TOMM40: variants seen among roughly 807,000 people sequenced by gnomAD.
TOMM40 encodes the protein translocase of outer mitochondrial membrane 40, also known as mitochondrial import receptor subunit TOM40 homolog.
A neutral mutation model predicts 38.4 loss-of-function variants in TOMM40; 9 were observed. That is an observed-to-expected ratio of 0.23 (90% confidence interval 0.14 to 0.41). The LOEUF (loss-of-function observed/expected upper bound fraction) is 0.41. Among genes scored for constraint, TOMM40 ranks in the 10% least tolerant of loss-of-function variants. The pLI, the probability that TOMM40 is intolerant of heterozygous loss-of-function variation, is 1.00. For synonymous variants in TOMM40, 184 were observed against 210.0 expected, an observed-to-expected ratio of 0.88 and a Z score of 1.07; for missense variants, 299 against 486.5, an observed-to-expected ratio of 0.61 and a Z score of 3.63.
rs1436094777 is a variant in TOMM40, at chr19:44,903,019, C to T, written c.947-11C>T. ...AGCTGGCACGCCTCTCACCTCAGCT[C>T]TTCCCTGCAGGCTCTGTGGATAGCA... On this transcript the variant is annotated splice_polypyrimidine_tract_variant and intron_variant, in intron 8 of 8. Coordinates refer to ENST00000426677, the MANE Select transcript of TOMM40 (RefSeq NM_001128917.2). 3.1e-6 allele frequency: 5 copies of T among 1,611,368 alleles called. No individual in the cohort carries two copies. The East Asian group carries it at 6.7e-5, about 22-fold the overall frequency.
At chr19:44,895,113 A>G (rs563586909) in intron 5 of TOMM40, among the ~76,000 whole-genome samples, 1 of 152,144 alleles carries the variant, frequency 6.6e-6, no homozygotes, top group Non-Finnish European at 1.5e-5. Context: ...CGTGGAGAGC[A>G]GGCTCTTGAG....
rs764863378 is a variant in TOMM40 at position 44,891,646 on chromosome 19, G to A, written c.231G>A (p.Leu77=). The change falls in exon 1 of 9, where the codon CTG becomes CTA. Residue 77 remains leucine (L), a synonymous_variant. Coordinates refer to ENST00000426677, the MANE Select transcript of TOMM40 (RefSeq NM_001128917.2). ...CCGAGGATGGGGCCTGCGGCTGCCT[G>A]CCCAACCCGGGCACATTCGAGGAGT... ...GAAEDGACGC[L]PNPGTFEECH... 31 of 1,482,078 alleles carry A rather than the reference G, an allele frequency of 2.1e-5. No homozygotes were observed. The Admixed American group carries it at 4.0e-4, about 19-fold the overall frequency. 91.8% of individuals were successfully genotyped at this position (1,482,078 alleles called of 1,614,324 possible). A position where few individuals can be genotyped will look rare whatever the true frequency, so the allele number is the denominator to read the frequency against.
At position 44,892,859 on chromosome 19, in the gene TOMM40, G is replaced by A; in HGVS notation, c.365G>A (p.Ser122Asn). 1 of 1,613,856 alleles carries A rather than the reference G, an allele frequency of 6.2e-7. No homozygotes were observed. Among genetic ancestry groups the A allele is most frequent in the Non-Finnish European group, 8.5e-7 (1 of 1,179,836 alleles). ...HFQVNHTVAL[S>N]TIGESNYHFG... is the part of the protein sequence containing the mutation. ...CAGGTCAACCACACAGTAGCCCTCA[G>A]CACAATCGGGGAGTCCAACTACCAC... is the stretch of plus-strand genomic sequence containing the variant. The change falls in exon 3 of 9, where the codon AGC becomes AAC. Residue 122 changes from serine to asparagine, a missense_variant. Transcript: ENST00000426677.
rs757633293 is a variant in TOMM40 at position 44,893,852 on chromosome 19, C to T, written c.508C>T (p.Pro170Ser). The T allele has an allele frequency of 6.2e-5, 100 of 1,612,198 alleles. No homozygotes were observed. Among genetic ancestry groups the T allele is most frequent in the Non-Finnish European group, 8.1e-5 (95 of 1,180,014 alleles). The change falls in exon 4 of 9, where the codon CCC becomes TCC. Residue 170 changes from proline (P) to serine (S), a missense_variant. Physicochemically the swap from Pro to Ser is moderately conservative, Grantham distance 74. Transcript: ENST00000426677. ...CGCTCAGGTCATTCACCAGCTGGGC[C>T]CCGGTCTCAGGTCCAAGATGGCCAT... ...LNAQVIHQLG[P>S]GLRSKMAIQT... is the part of the protein sequence containing the mutation.
intron 5 of TOMM40, among the ~76,000 whole-genome samples, chr19:44,896,930 T>C (rs995868965): frequency 6.6e-6 from 1 of 152,186 alleles, no homozygotes; most frequent in Non-Finnish European, 1.5e-5. Context: ...GGTACATGCC[T>C]GTAGTCCCAA....
rs1268516440 is a variant in TOMM40 at position 44,903,172 on chromosome 19, C to T, written c.*3C>T. 1 of 1,606,014 alleles carries T rather than the reference C, an allele frequency of 6.2e-7. No individual in the cohort carries two copies. On this transcript the variant is annotated 3_prime_UTR_variant, in exon 9 of 9. Transcript: ENST00000426677. The stretch of plus-strand genomic sequence containing the variant: ...GCTTTGGCCTCACCATCGGCTGAGC[C>T]CTCCTGGCCCCCGCCTTCCACGCCC...
intron 5 of TOMM40, among the ~76,000 whole-genome samples, chr19:44,897,201 A>G (rs1969581832): frequency 6.6e-6 from 1 of 152,056 alleles, no homozygotes; most frequent in Non-Finnish European, 1.5e-5. Flanking sequence ...GCATGAGACT[A>G]GAGAGGAGGC....
chr19:44,902,975 C>T (rs1221251077), intron 8 of TOMM40, 55 bp from the exon 9 acceptor site: 9 of 1,585,212 alleles, frequency 5.7e-6, no homozygotes, highest in Non-Finnish European at 7.7e-6. Context: ...GCCAGGAACT[C>T]TGCATGGATA....
intron 8 of TOMM40, 48 bp from the exon 9 acceptor site, chr19:44,902,982 G>C (rs778806196): frequency 6.3e-7 from 1 of 1,594,114 alleles, no homozygotes; most frequent in South Asian, 1.1e-5. Context: ...ACTCTGCATG[G>C]ATATGGTGGG....
At chr19:44,892,585 G>A (rs1969488195) in intron 2 of TOMM40, 125 bp downstream of exon 2, 2 of 942,422 alleles carry the variant, frequency 2.1e-6, no homozygotes, top group East Asian at 2.5e-5. Flanking sequence ...AAAAGACTCG[G>A]AGATATAGTG....
At chr19:44,897,614 G>A (rs116874600) in intron 5 of TOMM40, among the ~76,000 whole-genome samples, 2,485 of 151,754 alleles carry the variant, frequency 0.016, 79 homozygotes, top group Admixed American at 0.095. Context: ...TGCCACACCC[G>A]GCTAATTTTT....
rs141117569 is a variant in TOMM40, at chr19:44,892,395, C to A, written c.277C>A (p.Leu93Met). Reference sequence around the variant, plus strand: ...GTGACAGCGTTTCTCTTCTCCAGAGCTGTTTCCCATTCAGATGGAGGGTGT... The same window carrying A: ...GTGACAGCGTTTCTCTTCTCCAGAGATGTTTCCCATTCAGATGGAGGGTGT... ...FEECHRKCKE[L>M]FPIQMEGVKL... The change falls in exon 2 of 9, where the codon CTG becomes ATG. Residue 93 changes from leucine (L) to methionine (M), a missense_variant and splice_region_variant. Leu to Met is a conservative substitution (Grantham distance 15, BLOSUM62 2). Coordinates refer to ENST00000426677, the MANE Select transcript of TOMM40 (RefSeq NM_001128917.2). The A allele has an allele frequency of 4.3e-6, 7 of 1,613,722 alleles. No homozygotes were observed. Among genetic ancestry groups the A allele is most frequent in the Non-Finnish European group, 5.9e-6 (7 of 1,179,980 alleles).
At chr19:44,893,718 C>G in intron 3 of TOMM40, 62 bp from the exon 4 acceptor site, 1 of 1,400,838 alleles carries the variant, frequency 7.1e-7, no homozygotes, top group South Asian at 1.3e-5. Context: ...CTCACCCCGG[C>G]CCATCTCACA....
At chr19:44,896,549 C>T (rs1051402760) in intron 5 of TOMM40, among the ~76,000 whole-genome samples, 11 of 152,280 alleles carry the variant, frequency 7.2e-5, no homozygotes, top group Admixed American at 2.6e-4. Context: ...ATAAGGAAAG[C>T]GAGGCCCAGG....
In TOMM40 at chr19:44,903,236, G is replaced by C. The variant is rs1327310739; in HGVS notation, c.*67G>C. On this transcript the variant is annotated 3_prime_UTR_variant, in exon 9 of 9. Coordinates refer to ENST00000426677, the MANE Select transcript of TOMM40 (RefSeq NM_001128917.2). ...TCCACCTCCACCTCCCCCTGCCACA[G>C]AGGGGAGACCTGAGCCCCCCTCCCT... The C allele has an allele frequency of 2.0e-6, 3 of 1,511,916 alleles. No homozygotes were observed. Among genetic ancestry groups the C allele is most frequent in the Non-Finnish European group, 2.7e-6 (3 of 1,116,016 alleles). The allele number at this position is 1,511,916 out of a possible 1,614,324, so 93.7% of individuals were successfully genotyped here. A position where few individuals can be genotyped will look rare whatever the true frequency, so the allele number is the denominator to read the frequency against.
chr19:44,898,035 G>C (rs1969600440), intron 5 of TOMM40, among the ~76,000 whole-genome samples: 1 of 152,084 alleles, frequency 6.6e-6, no homozygotes, highest in Non-Finnish European at 1.5e-5. Context: ...ACCAGCTGCA[G>C]CCTACTTCTG....
At position 44,893,781 on chromosome 19, in the gene TOMM40, C is replaced by T. The variant is rs201562912; in HGVS notation, c.437C>T (p.Ala146Val). Reference sequence around the variant, plus strand: ...CCTTCCGTTCTCTCTGCCTCACAGGCGTTCCCTGTACTGGTGGGTGACATG... The same window carrying T: ...CCTTCCGTTCTCTCTGCCTCACAGGTGTTCCCTGTACTGGTGGGTGACATG... ...VGTKQLSPTE[A>V]FPVLVGDMDN... The change falls in exon 4 of 9, where the codon GCG becomes GTG. Residue 146 changes from alanine to valine, a missense_variant and splice_region_variant. Coordinates refer to ENST00000426677, the MANE Select transcript of TOMM40 (RefSeq NM_001128917.2). 135 of 1,611,248 alleles carry T rather than the reference C, an allele frequency of 8.4e-5. No homozygotes were observed. The highest frequency in any genetic ancestry group is 8.0e-5 in the Non-Finnish European group (94 of 1,179,308).
At chr19:44,893,406 G>A (rs1470561169) in intron 3 of TOMM40, among the ~76,000 whole-genome samples, 2 of 152,222 alleles carry the variant, frequency 1.3e-5, no homozygotes, top group South Asian at 2.1e-4. Context: ...GGCCCAGACA[G>A]GGTTGGGGGG....
At chr19:44,892,515 C>G in intron 2 of TOMM40, 55 bp downstream of exon 2, 2 of 1,528,252 alleles carry the variant, frequency 1.3e-6, no homozygotes, top group Non-Finnish European at 1.8e-6. Flanking sequence ...GTCCCCCTCC[C>G]TGCATCTGCA....
Sources: allele counts gnomAD v4.1 joint callset (sites outside exome capture counted in the v4.1 genomes callset), GRCh38; gene constraint gnomAD v4.1.1; transcripts MANE v1.5; gene names NCBI Gene and HGNC (gene_info 2026-07-23, HGNC 2026-07-21).